RWDD1: variants seen among roughly 807,000 people sequenced by gnomAD.
RWDD1 encodes RWD domain containing 1.
A neutral mutation model predicts 31.6 loss-of-function variants in RWDD1; 17 were observed. The observed-to-expected ratio is 0.54, with a 90% CI of 0.37 to 0.81. RWDD1 has a LOEUF of 0.81. Among genes scored for constraint, RWDD1 ranks in the 30% least tolerant of loss-of-function variants. RWDD1 has a pLI of 0.00. For missense variants in RWDD1, 204 were observed against 274.5 expected (o/e 0.74, Z 1.82); for synonymous variants, 78 against 94.2 (o/e 0.83, Z 0.99).
intron 2 of RWDD1, among the ~76,000 whole-genome samples, chr6:116,583,457 A>G (rs1460364518): frequency 6.6e-6 from 1 of 152,190 alleles, no homozygotes; most frequent in Non-Finnish European, 1.5e-5. Flanking sequence ...CATAGTGACT[A>G]TAATTAATTA....
rs762823155 is a variant in RWDD1, at chr6:116,582,676, C to T, written c.140-2051C>T. 2.8e-4 allele frequency among the ~76,000 whole-genome samples: 43 copies of T among 151,852 alleles called. 1 individual carries two copies. The highest frequency in any genetic ancestry group is 1.0e-4 in the Non-Finnish European group (7 of 67,924). ...TTTCATGTATGATTTTATTCATTTT[C>T]GTCTTCTCCCTTTTTTCTAGTCTAG... On this transcript the variant is annotated intron_variant, in intron 2 of 6. Coordinates refer to ENST00000466444, the MANE Select transcript of RWDD1 (RefSeq NM_015952.4).
intron 2 of RWDD1, among the ~76,000 whole-genome samples, chr6:116,582,704 G>A (rs1011631037): frequency 6.6e-6 from 1 of 151,770 alleles, no homozygotes; most frequent in Middle Eastern, 3.4e-3. Flanking sequence ...TAGTCTAGCT[G>A]TTTCGTTAGA....
intron 1 of RWDD1, 29 bp downstream of exon 1, chr6:116,571,684 C>A: frequency 6.2e-7 from 1 of 1,601,756 alleles, no homozygotes; most frequent in Non-Finnish European, 8.5e-7. Flanking sequence ...AGCCTGTAGC[C>A]GCCCCGAGGT....
chr6:116,572,563 T>A (rs1367839895), intron 1 of RWDD1: 2 of 152,252 alleles, frequency 1.3e-5, no homozygotes, highest in African/African-American at 4.8e-5. Context: ...AAGCCATGCT[T>A]CGGATGATTA....
intron 2 of RWDD1, 76 bp downstream of exon 2, chr6:116,580,436 G>C: frequency 9.2e-7 from 1 of 1,090,160 alleles, no homozygotes; most frequent in East Asian, 2.7e-5. Context: ...CATTATGCTG[G>C]ATATTGTCAT....
At chr6:116,576,548 C>T (rs986691771) in intron 1 of RWDD1, among the ~76,000 whole-genome samples, 1 of 152,206 alleles carries the variant, frequency 6.6e-6, no homozygotes, top group African/African-American at 2.4e-5. Context: ...CCTCCCTGTT[C>T]TATCTGGCTC....
intron 1 of RWDD1, chr6:116,574,196 T>A (rs753294547): frequency 1.5e-4 from 23 of 156,756 alleles, no homozygotes; most frequent in Non-Finnish European, 2.8e-4. Flanking sequence ...TTATTTCAAT[T>A]TATGTATTGA....
chr6:116,587,137 G>A (rs1775056177), intron 3 of RWDD1, among the ~76,000 whole-genome samples: 1 of 152,148 alleles, frequency 6.6e-6, no homozygotes, highest in Non-Finnish European at 1.5e-5. Context: ...CAAGCATTAG[G>A]TTGAGTGAAC....
At chr6:116,589,321 A>G (rs1460204149) in intron 4 of RWDD1, among the ~76,000 whole-genome samples, 1 of 152,190 alleles carries the variant, frequency 6.6e-6, no homozygotes, top group African/African-American at 2.4e-5. Context: ...TGGGCCATAC[A>G]TAAAATACAC....
chr6:116,576,998 A>G (rs1774857241), intron 1 of RWDD1, among the ~76,000 whole-genome samples: 1 of 152,242 alleles, frequency 6.6e-6, no homozygotes, highest in Admixed American at 6.5e-5. Context: ...CACAGACAAT[A>G]TAGTGCATAT....
chr6:116,594,359 TATTTAA>T lies in RWDD1; in HGVS notation c.*1262_*1267del, dbSNP rs1286650837. 1 of 152,096 alleles carries T rather than the reference TATTTAA, an allele frequency of 6.6e-6. No homozygotes were observed. Among genetic ancestry groups the T allele is most frequent in the Non-Finnish European group, 1.5e-5 (1 of 68,018 alleles). The allele number at this position is 152,096 out of a possible 1,614,324, so 9.4% of individuals were successfully genotyped here. A position where few individuals can be genotyped will look rare whatever the true frequency, so the allele number is the denominator to read the frequency against. On this transcript the variant is annotated 3_prime_UTR_variant, in exon 7 of 7. Transcript: ENST00000466444. ...ATTTAAATTAAAATTTAAATTACAG[TATTTAA>T]ATTAGAATCATTTGTGGAGTTTCTA... is the stretch of plus-strand genomic sequence containing the variant.
chr6:116,586,188 C>T (rs895615696), intron 3 of RWDD1, among the ~76,000 whole-genome samples: 4 of 152,028 alleles, frequency 2.6e-5, no homozygotes, highest in South Asian at 4.2e-4. Context: ...AAAAAATAAT[C>T]GTTATAATTT....
In RWDD1 at chr6:116,571,540, G is replaced by C; in HGVS notation, c.-43G>C. 1 of 1,598,426 alleles carries C rather than the reference G, an allele frequency of 6.3e-7. No individual in the cohort carries two copies. The highest frequency in any genetic ancestry group is 8.5e-7 in the Non-Finnish European group (1 of 1,171,906). ...GCAGCTGTCTGGGCTGCTGCGCGCCGCCTAGGTGTCTGGGCGATCTATGGG... is the reference window on the plus strand; with the variant it reads ...GCAGCTGTCTGGGCTGCTGCGCGCCCCCTAGGTGTCTGGGCGATCTATGGG... On this transcript the variant is annotated 5_prime_UTR_variant, in exon 1 of 7. Coordinates refer to ENST00000466444, the MANE Select transcript of RWDD1 (RefSeq NM_015952.4).
chr6:116,571,588 A>G lies in RWDD1; in HGVS notation c.6A>G (p.Thr2=). The part of the protein sequence containing the change: M[T]DYGEEQRNEL... Reference sequence around the variant, plus strand: ...GGGCAAGAGCAAGGGCCACGATGACAGATTACGGCGAGGAGCAGCGCAACG... The same window carrying G: ...GGGCAAGAGCAAGGGCCACGATGACGGATTACGGCGAGGAGCAGCGCAACG... Residue 2 remains threonine (T), a synonymous_variant, in exon 1 of 7, where the codon ACA becomes ACG. Transcript: ENST00000466444. 1.9e-6 allele frequency: 3 copies of G among 1,613,486 alleles called. No homozygotes were observed. The highest frequency in any genetic ancestry group is 2.5e-6 in the Non-Finnish European group (3 of 1,179,824).
At chr6:116,582,924 A>G (rs981790557) in intron 2 of RWDD1, among the ~76,000 whole-genome samples, 11 of 146,494 alleles carry the variant, frequency 7.5e-5, no homozygotes, top group Non-Finnish European at 1.5e-4. Flanking sequence ...TTCAACCCAT[A>G]AGTTTTGGTA....
intron 6 of RWDD1, among the ~76,000 whole-genome samples, chr6:116,592,491 T>G (rs940278387): frequency 6.6e-6 from 1 of 152,228 alleles, no homozygotes; most frequent in African/African-American, 2.4e-5. Flanking sequence ...TATTGTTTCC[T>G]GTAGGCTTTA....
At chr6:116,586,688 G>A (rs763387333) in intron 3 of RWDD1, among the ~76,000 whole-genome samples, 4 of 152,050 alleles carry the variant, frequency 2.6e-5, no homozygotes, top group Non-Finnish European at 4.4e-5. Context: ...CTAGTGCCTT[G>A]CACATAATAG....
chr6:116,591,448 G>A (rs577941459), intron 6 of RWDD1, among the ~76,000 whole-genome samples: 63 of 152,278 alleles, frequency 4.1e-4, no homozygotes, highest in African/African-American at 1.4e-3. Context: ...ACTATTCTAT[G>A]GACTGTCATG....
intron 4 of RWDD1, 78 bp from the exon 5 acceptor site, chr6:116,590,194 T>C (rs1775114357): frequency 1.4e-6 from 1 of 722,374 alleles, no homozygotes; most frequent in African/African-American, 1.8e-5. Flanking sequence ...GTTATATTGA[T>C]ATGTTTAAAA....
Sources: gnomAD v4.1 joint callset for allele counts (sites outside exome capture counted in the v4.1 genomes callset) on GRCh38, gnomAD v4.1.1 for gene constraint, MANE v1.5 for transcripts, NCBI Gene and HGNC (gene_info 2026-07-23, HGNC 2026-07-21) for gene names.